The following FAM107B variants were observed in gnomAD, a reference collection of about 807,000 sequenced individuals.
The protein encoded by FAM107B is family with sequence similarity 107 member B, also known as protein FAM107B.
In FAM107B, 21 loss-of-function variants were observed where a neutral mutation model predicts 31.5. That is an observed-to-expected ratio of 0.67 (90% confidence interval 0.47 to 0.96). The LOEUF is 0.96. FAM107B is among the 40% of genes least tolerant of loss of function. The pLI is 0.00. For missense variants in FAM107B, 452 were observed against 377.1 expected, an observed-to-expected ratio of 1.20 and a Z score of -1.64; for synonymous variants, 157 against 141.5, an observed-to-expected ratio of 1.11 and a Z score of -0.78.
intron 2 of FAM107B, among the ~76,000 whole-genome samples, chr10:14,557,154 T>C (rs1307461822): frequency 6.6e-6 from 1 of 152,218 alleles, no homozygotes; most frequent in Non-Finnish European, 1.5e-5. Flanking sequence ...CCGTGGTCAG[T>C]CTCTGTCCTA....
rs1856232112 is a variant in FAM107B, at chr10:14,733,863, T to A, written c.411+40390A>T. Among the ~76,000 whole-genome samples the A allele has an allele frequency of 2.0e-5, 3 of 152,280 alleles. No homozygotes were observed. The South Asian group carries it at 6.2e-4, about 32-fold the overall frequency. On this transcript the variant is annotated intron_variant, in intron 1 of 4. Coordinates refer to ENST00000181796, the MANE Select transcript of FAM107B (RefSeq NM_031453.4). ...TCTCCACATTTTCTCCCTGAACAGG[T>A]TTTTCATTTGGCCATATTAACTGCA...
rs1347588566 is a variant in FAM107B at position 14,528,710 on chromosome 10, GAGA to G, written c.653+1619_653+1621del. ...AGGTTAGTTGAGCTGGGCAAACAAG[GAGA>G]AGAACAGGCCAGACAAAGACAGACA... On this transcript the variant is annotated intron_variant, in intron 3 of 4. Coordinates refer to ENST00000181796, the MANE Select transcript of FAM107B (RefSeq NM_031453.4). Among the ~76,000 whole-genome samples, 7 of 151,164 alleles carry G rather than the reference GAGA, an allele frequency of 4.6e-5. No individual in the cohort carries two copies. In the East Asian group the frequency reaches 9.7e-4, roughly 21 times the overall value.
At chr10:14,594,501 C>CAAAAAAAAA (rs371126997) in intron 2 of FAM107B, among the ~76,000 whole-genome samples, 1 of 80,160 alleles carries the variant, frequency 1.2e-5, no homozygotes, top group Admixed American at 1.5e-4. Flanking sequence ...AAGACCCTGC[C>CAAAAAAAAA]AAAAAAAAAA....
Position 14,771,329 on chromosome 10 carries a change from A to G in FAM107B, c.411+2924T>C, listed in dbSNP as rs1833297759. 2.6e-5 allele frequency among the ~76,000 whole-genome samples: 4 copies of G among 152,242 alleles called. No homozygotes were observed. In the South Asian group the frequency reaches 8.3e-4, roughly 31 times the overall value. On this transcript the variant is annotated intron_variant, in intron 1 of 4. Coordinates refer to ENST00000181796, the MANE Select transcript of FAM107B (RefSeq NM_031453.4). ...TAAAGCATATGAATAAAAACAAATA[A>G]TAATAGTTATTGAATATCATTAAGA...
chr10:14,609,428 G>A (rs150089639), intron 2 of FAM107B, among the ~76,000 whole-genome samples: 1 of 152,264 alleles, frequency 6.6e-6, no homozygotes, highest in African/African-American at 2.4e-5. Flanking sequence ...ATAGGACTGA[G>A]GACCCAGTTT....
chr10:14,593,446 G>A (rs760300010), intron 2 of FAM107B, among the ~76,000 whole-genome samples: 2 of 152,152 alleles, frequency 1.3e-5, no homozygotes, highest in Non-Finnish European at 2.9e-5. Flanking sequence ...GGGAGGCTGA[G>A]GTGGGCGGAT....
chr10:14,540,054 C>T (rs1463663667), intron 2 of FAM107B, among the ~76,000 whole-genome samples: 1 of 152,228 alleles, frequency 6.6e-6, no homozygotes, highest in Non-Finnish European at 1.5e-5. Flanking sequence ...CTGCTCCACT[C>T]TGCAGCTCTG....
In FAM107B at chr10:14,526,189, G is replaced by A. The variant is rs1006822450; in HGVS notation, c.653+4143C>T. 3.9e-5 allele frequency among the ~76,000 whole-genome samples: 6 copies of A among 152,092 alleles called. No homozygotes were observed. The East Asian group carries it at 5.8e-4, about 15-fold the overall frequency. ...AATTTAGCCCTTGTTCTTTTTTTCC[G>A]GGGGGACAGAGTCTCGCTCTATTGC... On this transcript the variant is annotated intron_variant, in intron 3 of 4. Coordinates refer to ENST00000181796, the MANE Select transcript of FAM107B (RefSeq NM_031453.4).
intron 2 of FAM107B, among the ~76,000 whole-genome samples, chr10:14,564,503 G>GT (rs200610465): frequency 7.2e-6 from 1 of 138,552 alleles, no homozygotes; most frequent in African/African-American, 2.7e-5. Flanking sequence ...CCACTTATTT[G>GT]TTTAAAAAAA....
At chr10:14,619,118 A>C (rs1852929047) in intron 2 of FAM107B, among the ~76,000 whole-genome samples, 2 of 152,180 alleles carry the variant, frequency 1.3e-5, no homozygotes, top group African/African-American at 4.8e-5. Context: ...TAGAGGGAGC[A>C]CCGCCTGTAG....
At chr10:14,771,861 A>C (rs2768713) in intron 1 of FAM107B, among the ~76,000 whole-genome samples, 1 of 151,790 alleles carries the variant, frequency 6.6e-6, no homozygotes, top group Non-Finnish European at 1.5e-5. Flanking sequence ...GCGAGATCAC[A>C]TATGAATAGT....
intron 2 of FAM107B, among the ~76,000 whole-genome samples, chr10:14,595,342 C>CA (rs1166680855): frequency 6.7e-6 from 1 of 149,894 alleles, no homozygotes; most frequent in Non-Finnish European, 1.5e-5. Flanking sequence ...CAGAGTCCAG[C>CA]AAAAATGATT....
intron 2 of FAM107B, among the ~76,000 whole-genome samples, chr10:14,566,785 T>C (rs1267136354): frequency 6.6e-6 from 1 of 152,220 alleles, no homozygotes; most frequent in Non-Finnish European, 1.5e-5. Context: ...TGGGTTCTGT[T>C]TTTGTCGTAA....
chr10:14,545,708 T>G (rs11259174), intron 2 of FAM107B, among the ~76,000 whole-genome samples: 17,803 of 152,284 alleles, frequency 0.12, 1,145 homozygotes, highest in Non-Finnish European at 0.15. Flanking sequence ...TTTCAAAATT[T>G]GCATGTAACA....
chr10:14,650,500 G>T (rs1025133659), intron 2 of FAM107B, among the ~76,000 whole-genome samples: 2 of 152,114 alleles, frequency 1.3e-5, no homozygotes, highest in Non-Finnish European at 2.9e-5. Context: ...TGGCCAGGCT[G>T]GTCTCGAACT....
intron 1 of FAM107B, among the ~76,000 whole-genome samples, chr10:14,700,058 G>A (rs1381212844): frequency 2.0e-5 from 3 of 152,016 alleles, no homozygotes; most frequent in East Asian, 1.9e-4. Context: ...TCAGCCTCCC[G>A]AGTAGCTGGG....
chr10:14,715,062 C>G (rs994189629), intron 1 of FAM107B, among the ~76,000 whole-genome samples: 14 of 152,142 alleles, frequency 9.2e-5, no homozygotes, highest in African/African-American at 3.4e-4. Context: ...AAGTCTCCAA[C>G]CCCCTTTCTT....
chr10:14,591,029 T>G (rs867443232), intron 2 of FAM107B, among the ~76,000 whole-genome samples: 44 of 151,222 alleles, frequency 2.9e-4, no homozygotes, highest in African/African-American at 9.2e-4. Context: ...TTCTTCCGTA[T>G]GTTTGCAGAA....
chr10:14,531,618 G>C (rs1847021158), intron 2 of FAM107B, among the ~76,000 whole-genome samples: 1 of 151,512 alleles, frequency 6.6e-6, no homozygotes, highest in South Asian at 2.1e-4. Context: ...AAGGTGGCTA[G>C]ATCACTTGAG....
Sources: gnomAD v4.1 joint callset for allele counts (sites outside exome capture counted in the v4.1 genomes callset) on GRCh38, gnomAD v4.1.1 for gene constraint, MANE v1.5 for transcripts, NCBI Gene and HGNC (gene_info 2026-07-23, HGNC 2026-07-21) for gene names.